Variants in RSRC1 observed in about 807,000 individuals in gnomAD.
RSRC1 encodes the protein arginine and serine rich coiled-coil 1.
In RSRC1, 39 loss-of-function variants were observed where a neutral mutation model predicts 49.1. The observed-to-expected ratio is 0.79, with a 90% CI of 0.61 to 1.04. The LOEUF (loss-of-function observed/expected upper bound fraction) is 1.04. RSRC1 is among the 50% of genes least tolerant of loss of function. The pLI, the probability that RSRC1 is intolerant of heterozygous loss-of-function variation, is 0.00. For missense variants in RSRC1, 388 were observed against 402.4 expected, an observed-to-expected ratio of 0.96 and a Z score of 0.31; for synonymous variants, 143 against 130.8, an observed-to-expected ratio of 1.09 and a Z score of -0.63.
intron 4 of RSRC1, among the ~76,000 whole-genome samples, chr3:158,225,372 A>C (rs772731395): frequency 4.6e-5 from 7 of 152,034 alleles, no homozygotes; most frequent in Middle Eastern, 3.4e-3. Context: ...TTAAATACAT[A>C]TGTATTAATC....
intron 6 of RSRC1, among the ~76,000 whole-genome samples, chr3:158,376,226 C>G (rs775044571): frequency 1.5e-4 from 20 of 132,520 alleles, no homozygotes; most frequent in Non-Finnish European, 2.5e-4. Flanking sequence ...GAGTCTCACT[C>G]TGTCACCCAG....
At chr3:158,524,477 A>G (rs1166669704) in intron 7 of RSRC1, among the ~76,000 whole-genome samples, 1 of 152,058 alleles carries the variant, frequency 6.6e-6, no homozygotes, top group East Asian at 1.9e-4. Context: ...CCCAAGCTTC[A>G]TTATAAATTT....
At chr3:158,236,708 T>C (rs1190320463) in intron 4 of RSRC1, among the ~76,000 whole-genome samples, 2 of 152,176 alleles carry the variant, frequency 1.3e-5, no homozygotes, top group Non-Finnish European at 2.9e-5. Context: ...TATTCTCCTA[T>C]TGAAGATGGG....
intron 7 of RSRC1, among the ~76,000 whole-genome samples, chr3:158,462,126 G>C (rs1015236009): frequency 2.0e-5 from 3 of 151,682 alleles, no homozygotes; most frequent in Non-Finnish European, 3.0e-5. Flanking sequence ...AAATATCCTG[G>C]CTTTATGCTC....
chr3:158,232,085 A>G (rs1008625832), intron 4 of RSRC1, among the ~76,000 whole-genome samples: 3 of 152,106 alleles, frequency 2.0e-5, no homozygotes, highest in Non-Finnish European at 4.4e-5. Flanking sequence ...ATTTATCTCT[A>G]TATTAATAGA....
At chr3:158,196,161 T>C (rs1475679792) in intron 3 of RSRC1, among the ~76,000 whole-genome samples, 1 of 109,696 alleles carries the variant, frequency 9.1e-6, no homozygotes, top group Non-Finnish European at 1.8e-5. Context: ...GTTTGTATTC[T>C]CTTTTATTTC....
At chr3:158,449,186 T>A (rs1244554977) in intron 6 of RSRC1, among the ~76,000 whole-genome samples, 1 of 151,822 alleles carries the variant, frequency 6.6e-6, no homozygotes, top group Non-Finnish European at 1.5e-5. Context: ...ATTTCTAGAC[T>A]TGAGAAAAAT....
At chr3:158,190,865 T>C (rs544825295) in intron 3 of RSRC1, among the ~76,000 whole-genome samples, 1 of 152,136 alleles carries the variant, frequency 6.6e-6, no homozygotes, top group Admixed American at 6.6e-5. Context: ...TTCGTATGGC[T>C]TTAACCCTTC....
chr3:158,418,833 T>C (rs1396195910), intron 6 of RSRC1, among the ~76,000 whole-genome samples: 2 of 152,126 alleles, frequency 1.3e-5, no homozygotes, highest in East Asian at 3.9e-4. Flanking sequence ...AAGGTCAAGT[T>C]TGGGAAAAGT....
chr3:158,206,505 T>C (rs542038337), intron 4 of RSRC1, among the ~76,000 whole-genome samples: 22 of 152,188 alleles, frequency 1.4e-4, no homozygotes, highest in African/African-American at 4.6e-4. Flanking sequence ...GGGCTTTGAG[T>C]ATGCAGTTAA....
intron 7 of RSRC1, among the ~76,000 whole-genome samples, chr3:158,520,645 TGGCTGACAGGATCAAGCCCTGA>T (rs1281778282): frequency 6.6e-6 from 1 of 152,198 alleles, no homozygotes; most frequent in Admixed American, 6.5e-5. Context: ...TATGTCCATC[TGGCTGACAGGATCAAGCCCTGA>T]GTCAGCCTGT....
chr3:158,278,268 A>G (rs1439568113), intron 4 of RSRC1, among the ~76,000 whole-genome samples: 2 of 152,226 alleles, frequency 1.3e-5, no homozygotes, highest in Non-Finnish European at 2.9e-5. Flanking sequence ...TTGCTGATGA[A>G]TAATGCAGGG....
chr3:158,208,692 A>G (rs985572891), intron 4 of RSRC1, among the ~76,000 whole-genome samples: 2 of 152,156 alleles, frequency 1.3e-5, no homozygotes, highest in Non-Finnish European at 2.9e-5. Context: ...CAATTTTTAT[A>G]AGGGATAATG....
chr3:158,298,080 G>A lies in RSRC1; in HGVS notation c.531+5G>A. The A allele has an allele frequency of 1.3e-6, 2 of 1,598,520 alleles. No homozygotes were observed. Among genetic ancestry groups the A allele is most frequent in the Non-Finnish European group, 1.7e-6 (2 of 1,166,880 alleles). On this transcript the variant is annotated splice_donor_5th_base_variant and intron_variant, in intron 5 of 9. Transcript: ENST00000611884. ...AAAGCTGGATTAGAACATCTGGTAA[G>A]TTCTCATTTTCTCTTGAACATTTGC...
chr3:158,316,927 T>C (rs1559989863), intron 5 of RSRC1, among the ~76,000 whole-genome samples: 1 of 152,188 alleles, frequency 6.6e-6, no homozygotes, highest in Non-Finnish European at 1.5e-5. Flanking sequence ...ATTAAAGATT[T>C]ATTATTTAGT....
At chr3:158,447,613 A>G (rs1381684793) in intron 6 of RSRC1, among the ~76,000 whole-genome samples, 1 of 151,960 alleles carries the variant, frequency 6.6e-6, no homozygotes, top group African/African-American at 2.4e-5. Flanking sequence ...CAAATTATTA[A>G]GCCTCTCTGA....
chr3:158,210,289 A>G (rs1182799076), intron 4 of RSRC1, among the ~76,000 whole-genome samples: 2 of 152,048 alleles, frequency 1.3e-5, no homozygotes, highest in African/African-American at 4.8e-5. Flanking sequence ...TTAAACATTT[A>G]TCACACTTCC....
intron 7 of RSRC1, among the ~76,000 whole-genome samples, chr3:158,507,665 T>C (rs942585126): frequency 2.6e-5 from 4 of 152,222 alleles, no homozygotes; most frequent in Non-Finnish European, 5.9e-5. Context: ...ATTCTTGTTT[T>C]ATATAACAGG....
intron 5 of RSRC1, among the ~76,000 whole-genome samples, chr3:158,335,912 G>A (rs547703134): frequency 1.3e-5 from 2 of 152,226 alleles, no homozygotes; most frequent in East Asian, 3.9e-4. Context: ...GAGTTATTGG[G>A]CAATGATAGT....
Sources: gnomAD v4.1 joint callset for allele counts (sites outside exome capture counted in the v4.1 genomes callset) on GRCh38, gnomAD v4.1.1 for gene constraint, MANE v1.5 for transcripts, NCBI Gene and HGNC (gene_info 2026-07-23, HGNC 2026-07-21) for gene names.